Variants in NRG2 observed in about 807,000 individuals in gnomAD.
NRG2 encodes pro-neuregulin-2, membrane-bound isoform.
In NRG2, 27 loss-of-function variants were observed where a neutral mutation model predicts 73.9. The observed-to-expected ratio is 0.37, with a 90% confidence interval of 0.27 to 0.50. The LOEUF is 0.50. Among genes scored for constraint, NRG2 ranks in the 20% least tolerant of loss-of-function variants. The probability of loss-of-function intolerance (pLI) is 0.96; values close to 1 mark genes in which losing one functional copy is unlikely to be tolerated. For synonymous variants in NRG2, 532 were observed against 541.0 expected (o/e 0.98, Z 0.23); for missense variants, 1,126 against 1,210.1 (o/e 0.93, Z 1.03).
chr5:139,949,901 T>C lies in NRG2; in HGVS notation c.701-62390A>G, dbSNP rs984015802. 3.9e-5 allele frequency among the ~76,000 whole-genome samples: 6 copies of C among 152,190 alleles called. No homozygotes were observed. In the South Asian group the frequency reaches 8.3e-4, roughly 21 times the overall value. On this transcript the variant is annotated intron_variant, in intron 1 of 9. Coordinates refer to ENST00000361474, the MANE Select transcript of NRG2 (RefSeq NM_004883.3). ...CAAAGCTTGGCAGGGGGCCTGGTCA[T>C]GGGAAGAGGCCTCCCAAAGGGCAAC...
chr5:139,985,797 C>A (rs928512309), intron 1 of NRG2, among the ~76,000 whole-genome samples: 1 of 152,164 alleles, frequency 6.6e-6, no homozygotes, highest in Non-Finnish European at 1.5e-5. Context: ...TCAGCTTACA[C>A]CTTTCGCTTC....
intron 2 of NRG2, among the ~76,000 whole-genome samples, chr5:139,884,221 G>A (rs545429812): frequency 5.5e-4 from 84 of 152,340 alleles, no homozygotes; most frequent in Non-Finnish European, 9.8e-4. Flanking sequence ...ATGAAGCCAT[G>A]TCTAAGGCAC....
intron 5 of NRG2, among the ~76,000 whole-genome samples, chr5:139,859,728 G>A (rs1762026219): frequency 6.6e-6 from 1 of 152,144 alleles, no homozygotes; most frequent in African/African-American, 2.4e-5. Flanking sequence ...CTAAATCAAC[G>A]TAGTTTATGA....
intron 1 of NRG2, among the ~76,000 whole-genome samples, chr5:139,898,977 C>T (rs550722804): frequency 2.6e-5 from 4 of 152,342 alleles, no homozygotes; most frequent in Admixed American, 6.5e-5. Context: ...TCCTCCTCCA[C>T]GAAGCCTCCT....
Position 139,931,865 on chromosome 5 carries a change from C to G in NRG2, c.701-44354G>C, listed in dbSNP as rs1232145337. On this transcript the variant is annotated intron_variant, in intron 1 of 9. Coordinates refer to ENST00000361474, the MANE Select transcript of NRG2 (RefSeq NM_004883.3). ...TATTTAATGAACTACCAGGGAAATG[C>G]AAATTAAAACCACAACGAGCTATCA... Among the ~76,000 whole-genome samples the G allele has an allele frequency of 3.3e-5, 5 of 152,114 alleles. 1 individual carries two copies. In the South Asian group the frequency reaches 8.3e-4, roughly 25 times the overall value.
At chr5:140,031,924 T>C (rs1202241886) in intron 1 of NRG2, among the ~76,000 whole-genome samples, 2 of 151,732 alleles carry the variant, frequency 1.3e-5, no homozygotes, top group East Asian at 3.9e-4. Context: ...TGGCAGAAAA[T>C]GCCTCATTTC....
At chr5:140,023,904 C>G (rs939750174) in intron 1 of NRG2, among the ~76,000 whole-genome samples, 11 of 152,146 alleles carry the variant, frequency 7.2e-5, no homozygotes, top group Non-Finnish European at 1.5e-4. Flanking sequence ...TCGGGAATAT[C>G]AAAGAGACCA....
intron 1 of NRG2, among the ~76,000 whole-genome samples, chr5:139,927,635 A>C (rs1752156254): frequency 6.6e-6 from 1 of 152,056 alleles, no homozygotes; most frequent in Non-Finnish European, 1.5e-5. Flanking sequence ...ATGGTGGTGC[A>C]TGCCTATAAT....
intron 1 of NRG2, among the ~76,000 whole-genome samples, chr5:140,004,083 C>A (rs1758703389): frequency 2.0e-5 from 3 of 152,124 alleles, no homozygotes; most frequent in Admixed American, 6.5e-5. Context: ...GAGGAGTGTA[C>A]AGGAACCTTC....
intron 3 of NRG2, among the ~76,000 whole-genome samples, chr5:139,874,144 A>T (rs1763030289): frequency 6.6e-6 from 1 of 152,254 alleles, no homozygotes; most frequent in Admixed American, 6.5e-5. Flanking sequence ...TTCCACACGG[A>T]AGAGCTGCGC....
intron 1 of NRG2, among the ~76,000 whole-genome samples, chr5:139,913,189 G>A (rs1750979452): frequency 6.6e-6 from 1 of 152,284 alleles, no homozygotes; most frequent in Non-Finnish European, 1.5e-5. Context: ...AGGGCTGCAG[G>A]CAACAGCATT....
chr5:139,875,982 C>G (rs1437329132), intron 3 of NRG2, among the ~76,000 whole-genome samples: 1 of 152,126 alleles, frequency 6.6e-6, no homozygotes, highest in East Asian at 1.9e-4. Context: ...AATTCCACTC[C>G]TAGGTGTATC....
At chr5:140,001,581 G>A (rs1328232016) in intron 1 of NRG2, among the ~76,000 whole-genome samples, 1 of 152,102 alleles carries the variant, frequency 6.6e-6, no homozygotes, top group Non-Finnish European at 1.5e-5. Flanking sequence ...AGAGATGTGA[G>A]CTGGGCTTGG....
At position 139,847,903 on chromosome 5, in the gene NRG2, C is replaced by A; in HGVS notation, c.*14G>T. 1.4e-6 allele frequency: 2 copies of A among 1,414,666 alleles called. No homozygotes were observed. The highest frequency in any genetic ancestry group is 3.0e-5 in the East Asian group (1 of 33,040). 87.6% of individuals were successfully genotyped at this position (1,414,666 alleles called of 1,614,324 possible). The stretch of plus-strand genomic sequence containing the variant: ...TAGTGGGGCGGGCGGGGCGGAGGGG[C>A]GCGCGGCGGGGCCCTAGAGTGGCGC... On this transcript the variant is annotated 3_prime_UTR_variant, in exon 10 of 10. Transcript: ENST00000361474.
intron 5 of NRG2, chr5:139,859,834 G>A: frequency 6.3e-7 from 1 of 1,577,504 alleles, no homozygotes; most frequent in Admixed American, 1.7e-5. Flanking sequence ...TGGCATCGGA[G>A]GCTGTGGAGA....
chr5:140,000,670 C>A (rs1580914578), intron 1 of NRG2, among the ~76,000 whole-genome samples: 1 of 152,210 alleles, frequency 6.6e-6, no homozygotes, highest in Non-Finnish European at 1.5e-5. Flanking sequence ...TCTGTCGGCT[C>A]TCTTCGGAGC....
intron 1 of NRG2, among the ~76,000 whole-genome samples, chr5:139,902,480 C>A (rs886141990): frequency 6.6e-6 from 1 of 152,180 alleles, no homozygotes; most frequent in Non-Finnish European, 1.5e-5. Context: ...TCTCTCTCCC[C>A]TCCTTTCTCC....
chr5:139,908,054 T>C (rs1765350958), intron 1 of NRG2, among the ~76,000 whole-genome samples: 1 of 152,230 alleles, frequency 6.6e-6, no homozygotes, highest in African/African-American at 2.4e-5. Flanking sequence ...GAGTAACGAG[T>C]CTTCTCATTC....
chr5:139,920,222 G>A (rs1561680372), intron 1 of NRG2, among the ~76,000 whole-genome samples: 1 of 152,232 alleles, frequency 6.6e-6, no homozygotes. Flanking sequence ...CAATTTTATA[G>A]GTTAAGGAGA....
Sources: gnomAD v4.1 joint callset for allele counts (sites outside exome capture counted in the v4.1 genomes callset) on GRCh38, gnomAD v4.1.1 for gene constraint, MANE v1.5 for transcripts, NCBI Gene and HGNC (gene_info 2026-07-23, HGNC 2026-07-21) for gene names.